The following OXSR1 variants were observed in gnomAD, a reference collection of about 807,000 sequenced individuals.
OXSR1 encodes oxidative stress responsive kinase 1, also known as serine/threonine-protein kinase OSR1.
OXSR1 carries 24 observed loss-of-function variants against 79.8 expected under a neutral mutation model. The ratio of observed to expected loss-of-function variants is 0.30; its 90% CI spans 0.22 to 0.42. The LOEUF (loss-of-function observed/expected upper bound fraction) is 0.42. OXSR1 is among the 10% of genes least tolerant of loss of function. The pLI is 1.00. For missense variants in OXSR1, 430 were observed against 618.4 expected, an observed-to-expected ratio of 0.70 and a Z score of 3.23; for synonymous variants, 226 against 209.2, an observed-to-expected ratio of 1.08 and a Z score of -0.69.
chr3:38,207,908 C>CCCCCT lies in OXSR1; in HGVS notation c.435-8169_435-8165dup, dbSNP rs1294902862. Reference sequence around the variant, plus strand: ...CCCCCGTCCTTCCTCCCTCCCCCCTCCCCCTCCCCTCCCCTCCCCTCCCTT... The same window carrying CCCCCT: ...CCCCCGTCCTTCCTCCCTCCCCCCTCCCCCTCCCCTCCCCTCCCCTCCCCTCCCTT... On this transcript the variant is annotated intron_variant, in intron 4 of 17. Transcript: ENST00000311806. Among the ~76,000 whole-genome samples the CCCCCT allele has an allele frequency of 3.6e-3, 355 of 99,244 alleles. 3 individuals are homozygous for CCCCCT. Among genetic ancestry groups the CCCCCT allele is most frequent in the African/African-American group, 9.9e-3 (253 of 25,500 alleles). 65.1% of individuals were successfully genotyped at this position (99,244 alleles called of 152,430 possible).
At chr3:38,182,688 T>A (rs548444145) in intron 1 of OXSR1, among the ~76,000 whole-genome samples, 15 of 152,240 alleles carry the variant, frequency 9.9e-5, no homozygotes, top group African/African-American at 3.4e-4. Context: ...CTTATGATTG[T>A]TTGTTGAATT....
intron 4 of OXSR1, among the ~76,000 whole-genome samples, chr3:38,214,504 C>T (rs1171964497): frequency 6.6e-6 from 1 of 152,092 alleles, no homozygotes; most frequent in Non-Finnish European, 1.5e-5. Context: ...CTTTTCTTCC[C>T]TCATTGGGTT....
intron 1 of OXSR1, among the ~76,000 whole-genome samples, chr3:38,171,080 G>A (rs1298121541): frequency 6.6e-6 from 1 of 152,056 alleles, no homozygotes; most frequent in Non-Finnish European, 1.5e-5. Context: ...CCTGGCCAAG[G>A]GAAGTATCTA....
intron 10 of OXSR1, among the ~76,000 whole-genome samples, chr3:38,234,712 A>G (rs1402916562): frequency 6.6e-6 from 1 of 152,266 alleles, no homozygotes; most frequent in African/African-American, 2.4e-5. Context: ...CAAAGTCACC[A>G]GGTGACCCAG....
chr3:38,190,281 T>C (rs1701958322), intron 2 of OXSR1, among the ~76,000 whole-genome samples: 1 of 152,154 alleles, frequency 6.6e-6, no homozygotes, highest in African/African-American at 2.4e-5. Context: ...TGTTTCTCTT[T>C]AGTGTGAGAA....
intron 1 of OXSR1, among the ~76,000 whole-genome samples, chr3:38,178,618 ATAT>A (rs1326742436): frequency 0.015 from 1,287 of 86,718 alleles, 12 homozygotes; most frequent in African/African-American, 0.064. Context: ...ATATATATAT[ATAT>A]TTTTTTTTTT....
In OXSR1 at chr3:38,229,492, T is replaced by A. The variant is rs1273405777; in HGVS notation, c.837-195T>A. Among the ~76,000 whole-genome samples, 3 of 152,162 alleles carry A rather than the reference T, an allele frequency of 2.0e-5. No homozygotes were observed. The East Asian group carries it at 5.8e-4, about 29-fold the overall frequency. On this transcript the variant is annotated intron_variant, in intron 8 of 17. Coordinates refer to ENST00000311806, the MANE Select transcript of OXSR1 (RefSeq NM_005109.3). ...TACAATAATTATCAGAATATTTGTT[T>A]TGAGTTTTTTATTTTATTCAATGTC...
chr3:38,234,840 T>C (rs1424786989), intron 10 of OXSR1, among the ~76,000 whole-genome samples: 1 of 152,244 alleles, frequency 6.6e-6, no homozygotes, highest in African/African-American at 2.4e-5. Flanking sequence ...ACCCACATGC[T>C]CATCAGCTGA....
chr3:38,230,338 A>G, intron 9 of OXSR1, 27 bp from the exon 10 acceptor site: 8 of 1,476,344 alleles, frequency 5.4e-6, no homozygotes, highest in Non-Finnish European at 7.5e-6. Context: ...AACTTGTAAG[A>G]ACAAAATACT....
At position 38,249,067 on chromosome 3, in the gene OXSR1, A is replaced by G. The variant is rs539560434; in HGVS notation, c.1323-899A>G. 3.5e-4 allele frequency among the ~76,000 whole-genome samples: 54 copies of G among 152,260 alleles called. No individual in the cohort carries two copies. In the South Asian group the frequency reaches 7.1e-3, roughly 20 times the overall value. ...GTAGAAAGAACGCAATGCAAGGGAA[A>G]ATCATTTGGGGCATGTTATATTTGA... On this transcript the variant is annotated intron_variant, in intron 14 of 17. Coordinates refer to ENST00000311806, the MANE Select transcript of OXSR1 (RefSeq NM_005109.3).
rs909949476 is a variant in OXSR1 at position 38,255,185 on chromosome 3, G to C, written c.*2294G>C. On this transcript the variant is annotated 3_prime_UTR_variant, in exon 18 of 18. Transcript: ENST00000311806. ...CCAGGATCCCCTTGTCCCTGGAGTA[G>C]GGACTAACTATAGCACAAAGTAATA... 1 of 152,606 alleles carries C rather than the reference G, an allele frequency of 6.6e-6. No homozygotes were observed. Among genetic ancestry groups the C allele is most frequent in the African/African-American group, 2.4e-5 (1 of 41,426 alleles). 9.5% of individuals were successfully genotyped at this position (152,606 alleles called of 1,614,324 possible).
chr3:38,182,449 T>G (rs1284213008), intron 1 of OXSR1, among the ~76,000 whole-genome samples: 1 of 152,238 alleles, frequency 6.6e-6, no homozygotes, highest in East Asian at 1.9e-4. Flanking sequence ...AGCTGCCCCT[T>G]TCATAGACTG....
intron 8 of OXSR1, 87 bp downstream of exon 8, chr3:38,224,791 A>G (rs1702658091): frequency 1.1e-6 from 1 of 900,684 alleles, no homozygotes; most frequent in Non-Finnish European, 1.6e-6. Context: ...ACAGGAAATT[A>G]TTTTCAAAAG....
Position 38,254,126 on chromosome 3 carries a change from C to T in OXSR1, c.*1235C>T. The T allele has an allele frequency of 2.5e-6, 1 of 398,646 alleles. No individual in the cohort carries two copies. Among genetic ancestry groups the T allele is most frequent in the African/African-American group, 2.1e-5 (1 of 48,716 alleles). 24.7% of individuals were successfully genotyped at this position (398,646 alleles called of 1,614,324 possible). A position where few individuals can be genotyped will look rare whatever the true frequency, so the allele number is the denominator to read the frequency against. ...CTTTGTCTAACTGCTAGTAACCCTA[C>T]CGAGTTTTATATATGAGTGGGATAC... On this transcript the variant is annotated 3_prime_UTR_variant, in exon 18 of 18. Transcript: ENST00000311806.
chr3:38,199,543 TAATA>T (rs1316153701), intron 4 of OXSR1, among the ~76,000 whole-genome samples: 2 of 152,218 alleles, frequency 1.3e-5, no homozygotes, highest in African/African-American at 4.8e-5. Flanking sequence ...TTTTCTTTTT[TAATA>T]AATAAGAGCA....
intron 5 of OXSR1, among the ~76,000 whole-genome samples, chr3:38,221,022 G>A (rs1702577836): frequency 2.0e-5 from 3 of 152,200 alleles, no homozygotes; most frequent in South Asian, 2.1e-4. Flanking sequence ...GTTAGGATAT[G>A]TGTTTAGAAT....
chr3:38,209,001 CGCATGT>C (rs1702329544), intron 4 of OXSR1, among the ~76,000 whole-genome samples: 2 of 151,942 alleles, frequency 1.3e-5, no homozygotes, highest in Admixed American at 1.3e-4. Context: ...CGCGCGTGCG[CGCATGT>C]GCATGTTTGG....
At chr3:38,204,258 A>AGT (rs1702225577) in intron 4 of OXSR1, among the ~76,000 whole-genome samples, 1 of 151,638 alleles carries the variant, frequency 6.6e-6, no homozygotes, top group African/African-American at 2.4e-5. Flanking sequence ...GGCCCAGGGC[A>AGT]CGTCCAGAAA....
At chr3:38,205,964 G>T (rs1702257090) in intron 4 of OXSR1, among the ~76,000 whole-genome samples, 1 of 152,230 alleles carries the variant, frequency 6.6e-6, no homozygotes, top group South Asian at 2.1e-4. Flanking sequence ...TCTTCACTCA[G>T]CTGTAGCTGG....
Sources: gnomAD v4.1 joint callset for allele counts (sites outside exome capture counted in the v4.1 genomes callset) on GRCh38, gnomAD v4.1.1 for gene constraint, MANE v1.5 for transcripts, NCBI Gene and HGNC (gene_info 2026-07-23, HGNC 2026-07-21) for gene names.